Variants in CASP4 observed in about 807,000 individuals in gnomAD.
CASP4 encodes the protein caspase-4.
CASP4 carries 29 observed loss-of-function variants against 41.3 expected under a neutral mutation model. That is an observed-to-expected ratio of 0.70 (90% CI 0.52 to 0.96). The LOEUF is 0.96. Ranked by LOEUF, CASP4 falls within the 40% of genes least tolerant of loss-of-function variation. The probability of loss-of-function intolerance (pLI) is 0.00; values close to 1 mark genes in which losing one functional copy is unlikely to be tolerated. For synonymous variants in CASP4, 185 were observed against 158.4 expected (o/e 1.17, Z -1.26); for missense variants, 447 against 460.6 (o/e 0.97, Z 0.27).
intron 1 of CASP4, among the ~76,000 whole-genome samples, chr11:104,963,731 G>C (rs759123856): frequency 1.8e-4 from 28 of 152,164 alleles, no homozygotes; most frequent in Non-Finnish European, 4.0e-4. Flanking sequence ...AAAATGGGTT[G>C]ATTGGCTTTA....
In CASP4 at chr11:104,944,368, C is replaced by CTCTG. The variant is rs1491122445; in HGVS notation, c.*5+379_*5+380insCAGA. The CTCTG allele has an allele frequency of 9.0e-3, 1,267 of 141,510 alleles. 31 individuals carry two copies. The highest frequency in any genetic ancestry group is 0.032 in the African/African-American group (1,177 of 36,658). The allele number at this position is 141,510 out of a possible 1,614,324, so 8.8% of individuals were successfully genotyped here. The stretch of plus-strand genomic sequence containing the variant: ...TGTCTCTCTCTCTCTCTCTCTCTCT[C>CTCTG]TGTGTGTGTGTGTGTGTGTGTGTGT... On this transcript the variant is annotated intron_variant, in intron 8 of 8. Transcript: ENST00000444739.
chr11:104,954,873 A>C lies in CASP4; in HGVS notation c.136T>G (p.Tyr46Asp). 2.5e-6 allele frequency: 4 copies of C among 1,613,732 alleles called. No homozygotes were observed. The highest frequency in any genetic ancestry group is 2.7e-5 in the African/African-American group (2 of 75,006). The stretch of plus-strand genomic sequence containing the variant: ...ACTTTGTCTTCAGTTTTAGCATCGT[A>C]ATATTTCTTTTTTTCCTCTTCCTTC... ...NWKEEEKKKY[Y>D]DAKTEDKVRV... The change falls in exon 2 of 9, where the codon TAC (tyrosine) becomes GAC (aspartate). Residue 46 changes from tyrosine to aspartate, a missense_variant. By Grantham distance (160) the Tyr-to-Asp change is radical. Coordinates refer to ENST00000444739, the MANE Select transcript of CASP4 (RefSeq NM_001225.4).
In CASP4 at chr11:104,949,643, A is replaced by C; in HGVS notation, c.681T>G (p.Asp227Glu). Reference protein sequence around the residue: ...CGTVHDEKKPDVLLYDTIFQI... With the variant: ...CGTVHDEKKPEVLLYDTIFQI... ...GGAAGATGGTGTCATAAAGCAGCACATCTGGTTTTTTCTCATCATGCACAG... is the reference window on the plus strand; with the variant it reads ...GGAAGATGGTGTCATAAAGCAGCACCTCTGGTTTTTTCTCATCATGCACAG... The change falls in exon 5 of 9, where the codon GAT (aspartate) becomes GAG (glutamate). Residue 227 changes from aspartate to glutamate, a missense_variant. Asp to Glu is a conservative substitution (Grantham distance 45). Transcript: ENST00000444739. The C allele has an allele frequency of 1.9e-6, 3 of 1,613,964 alleles. No individual in the cohort carries two copies. Among genetic ancestry groups the C allele is most frequent in the Non-Finnish European group, 2.5e-6 (3 of 1,179,888 alleles).
chr11:104,960,933 C>T (rs1860844829), intron 1 of CASP4, among the ~76,000 whole-genome samples: 1 of 152,202 alleles, frequency 6.6e-6, no homozygotes, highest in Non-Finnish European at 1.5e-5. Context: ...TAATTATTTA[C>T]TGAATCAGTA....
chr11:104,958,578 C>T (rs144390938), intron 1 of CASP4, among the ~76,000 whole-genome samples: 41 of 152,172 alleles, frequency 2.7e-4, no homozygotes, highest in African/African-American at 9.9e-4. Context: ...TCACTTTGCA[C>T]CTGTTGGAAT....
chr11:104,960,270 C>A lies in CASP4; in HGVS notation c.8-5269G>T, dbSNP rs372019544. On this transcript the variant is annotated intron_variant, in intron 1 of 8. Coordinates refer to ENST00000444739, the MANE Select transcript of CASP4 (RefSeq NM_001225.4). ...TAGGGATCTGTATAGTTTCAGCACC[C>A]CCGCTTCTAATTTCTTCTGGTTTTT... Among the ~76,000 whole-genome samples, 561 of 152,146 alleles carry A rather than the reference C, an allele frequency of 3.7e-3. 3 individuals carry two copies. The highest frequency in any genetic ancestry group is 8.9e-3 in the South Asian group (43 of 4,822).
At position 104,957,116 on chromosome 11, in the gene CASP4, G is replaced by T. The variant is rs114574679; in HGVS notation, c.8-2115C>A. Among the ~76,000 whole-genome samples the T allele has an allele frequency of 4.1e-3, 625 of 152,142 alleles. 3 individuals carry two copies. The highest frequency in any genetic ancestry group is 0.014 in the African/African-American group (583 of 41,514). On this transcript the variant is annotated intron_variant, in intron 1 of 8. Transcript: ENST00000444739. ...AAATTGGAAAGGAAGAAGTTTAATT[G>T]TGCCTGTTTAAAGATGAAATGGTCT... is the stretch of plus-strand genomic sequence containing the variant.
chr11:104,962,493 G>A (rs886443439), intron 1 of CASP4, among the ~76,000 whole-genome samples: 2 of 152,128 alleles, frequency 1.3e-5, no homozygotes, highest in African/African-American at 4.8e-5. Flanking sequence ...ATGGAAAGAG[G>A]GGTATCACAA....
chr11:104,948,971 C>T (rs1024601508), intron 5 of CASP4: 1 of 216,860 alleles, frequency 4.6e-6, no homozygotes, highest in African/African-American at 2.3e-5. Flanking sequence ...GACAATTGGT[C>T]TCAAATTCCT....
At chr11:104,952,874 C>T (rs921499985) in intron 2 of CASP4, among the ~76,000 whole-genome samples, 17 of 152,150 alleles carry the variant, frequency 1.1e-4, no homozygotes, top group Non-Finnish European at 4.4e-5. Context: ...ATAGATTACA[C>T]AGTGATATAT....
chr11:104,952,167 C>A (rs1378648142), intron 2 of CASP4, 162 bp from the exon 3 acceptor site: 2 of 564,036 alleles, frequency 3.5e-6, no homozygotes, highest in African/African-American at 1.9e-5. Context: ...TGTATTGTTA[C>A]TGGAAAAGAT....
intron 6 of CASP4, chr11:104,948,025 T>C (rs1001261894): frequency 2.0e-5 from 3 of 152,078 alleles, no homozygotes; most frequent in African/African-American, 7.2e-5. Flanking sequence ...TTTAAAAATA[T>C]ACAAATCAAA....
chr11:104,963,795 G>A (rs1204098391), intron 1 of CASP4, among the ~76,000 whole-genome samples: 24 of 152,150 alleles, frequency 1.6e-4, no homozygotes, highest in Admixed American at 1.6e-3. Flanking sequence ...TTCTCCAGTA[G>A]TATTTCCTTC....
chr11:104,948,458 A>G (rs566485354), intron 6 of CASP4, 75 bp downstream of exon 6: 1 of 1,366,744 alleles, frequency 7.3e-7, no homozygotes, highest in East Asian at 2.3e-5. Context: ...TTTCATAGGG[A>G]TTCTTGATTT....
At position 104,964,346 on chromosome 11, in the gene CASP4, A is replaced by C. The variant is rs144535777; in HGVS notation, c.7+4173T>G. 7.9e-4 allele frequency among the ~76,000 whole-genome samples: 121 copies of C among 152,354 alleles called. No individual in the cohort carries two copies. In the Middle Eastern group the frequency reaches 0.017, roughly 21 times the overall value. ...ATGTCACCAATCCTTCAGTTTTCAC[A>C]GTCAAGATAACTTATTTCTTTAGAG... On this transcript the variant is annotated intron_variant, in intron 1 of 8. Transcript: ENST00000444739.
At chr11:104,958,755 G>T (rs1032549031) in intron 1 of CASP4, among the ~76,000 whole-genome samples, 2 of 152,080 alleles carry the variant, frequency 1.3e-5, no homozygotes, top group African/African-American at 4.8e-5. Flanking sequence ...GAGGTCAGTA[G>T]TTCTAGACCA....
At chr11:104,968,457 A>G (rs1861023396) in intron 1 of CASP4, 62 bp downstream of exon 1, 1 of 1,415,226 alleles carries the variant, frequency 7.1e-7, no homozygotes, top group East Asian at 2.3e-5. Flanking sequence ...TTTATTTCAG[A>G]GCAATAAATC....
rs1005685422 is a variant in CASP4 at position 104,947,101 on chromosome 11, T to C, written c.1017A>G (p.Leu339=). The part of the protein sequence containing the change: ...CFQKYSWCCH[L]EEVFRKVQQS... ...CACTTACCTTCCGAAATACTTCCTC[T>C]AGGTGGCAGCACCAAGAATATTTCT... Residue 339 remains leucine (L), a synonymous_variant, in exon 7 of 9, where the codon CTA becomes CTG. Coordinates refer to ENST00000444739, the MANE Select transcript of CASP4 (RefSeq NM_001225.4). The C allele has an allele frequency of 1.9e-6, 3 of 1,607,778 alleles. No individual in the cohort carries two copies. The highest frequency in any genetic ancestry group is 2.6e-6 in the Non-Finnish European group (3 of 1,174,502).
At chr11:104,952,844 C>A (rs1860648737) in intron 2 of CASP4, among the ~76,000 whole-genome samples, 1 of 152,162 alleles carries the variant, frequency 6.6e-6, no homozygotes, top group East Asian at 1.9e-4. Context: ...GAATATCAAA[C>A]CTTCTGAGCA....
Sources: allele counts gnomAD v4.1 joint callset (sites outside exome capture counted in the v4.1 genomes callset), GRCh38; gene constraint gnomAD v4.1.1; transcripts MANE v1.5; gene names NCBI Gene and HGNC (gene_info 2026-07-23, HGNC 2026-07-21).